The following UACA variants were observed in gnomAD, a reference collection of about 807,000 sequenced individuals.
UACA encodes nuclear membrane binding protein.
Under a neutral mutation model 160.5 loss-of-function variants are expected in UACA, and 112 were observed. That is an observed-to-expected ratio of 0.70 (90% CI 0.60 to 0.82). The LOEUF (loss-of-function observed/expected upper bound fraction) is 0.82. Ranked by LOEUF, UACA falls within the 40% of genes least tolerant of loss-of-function variation. The pLI, the probability that UACA is intolerant of heterozygous loss-of-function variation, is 0.00. For synonymous variants in UACA, 557 were observed against 568.4 expected (o/e 0.98, Z 0.29); for missense variants, 1,574 against 1,614.6 (o/e 0.97, Z 0.43).
At chr15:70,657,488 G>A (rs375891406) in intron 18 of UACA, among the ~76,000 whole-genome samples, 7 of 152,054 alleles carry the variant, frequency 4.6e-5, no homozygotes, top group Non-Finnish European at 2.9e-5. Context: ...CCAGCTACTC[G>A]GGAGGCTGAG....
chr15:70,752,518 TC>T, intron 1 of UACA, among the ~76,000 whole-genome samples: 1 of 152,226 alleles, frequency 6.6e-6, no homozygotes, highest in East Asian at 1.9e-4. Context: ...GTGTTCTTGT[TC>T]TCTCTCCCCT....
At chr15:70,720,120 T>C (rs1014535241) in intron 1 of UACA, among the ~76,000 whole-genome samples, 2 of 152,100 alleles carry the variant, frequency 1.3e-5, no homozygotes, top group Non-Finnish European at 2.9e-5. Context: ...ACCTCCCCTC[T>C]TTCTCTTCCT....
At chr15:70,703,505 C>T (rs1385298737) in intron 1 of UACA, among the ~76,000 whole-genome samples, 4 of 152,144 alleles carry the variant, frequency 2.6e-5, no homozygotes, top group Non-Finnish European at 5.9e-5. Flanking sequence ...CGAGATATCA[C>T]AATGGATTCA....
In UACA at chr15:70,657,024, A is replaced by G; in HGVS notation, c.*32T>C. 6.3e-7 allele frequency: 1 copy of G among 1,597,510 alleles called. No individual in the cohort carries two copies. Among genetic ancestry groups the G allele is most frequent in the Non-Finnish European group, 8.6e-7 (1 of 1,164,918 alleles). ...ACAAAGAATGTTCAGCACCAGCAAGATAAAACAGATACTGGCAGTCAGTGC... is the reference window on the plus strand; with the variant it reads ...ACAAAGAATGTTCAGCACCAGCAAGGTAAAACAGATACTGGCAGTCAGTGC... On this transcript the variant is annotated 3_prime_UTR_variant, in exon 19 of 19. Transcript: ENST00000322954.
At chr15:70,761,683 G>A (rs996716802) in intron 1 of UACA, among the ~76,000 whole-genome samples, 2 of 152,036 alleles carry the variant, frequency 1.3e-5, no homozygotes, top group Non-Finnish European at 2.9e-5. Flanking sequence ...TACATAAATA[G>A]GTTAATATCA....
In UACA at chr15:70,676,717, G is replaced by A. The variant is rs1897313530; in HGVS notation, c.1033-126C>T. ...GAGTTAATGAATTCTCCAACCTGGTGAACTTTAACTACTAATAGAGTTGAT... is the reference window on the plus strand; with the variant it reads ...GAGTTAATGAATTCTCCAACCTGGTAAACTTTAACTACTAATAGAGTTGAT... On this transcript the variant is annotated intron_variant, in intron 12 of 18. Transcript: ENST00000322954. 5 of 676,896 alleles carry A rather than the reference G, an allele frequency of 7.4e-6. No homozygotes were observed. In the South Asian group the frequency reaches 9.9e-5, roughly 13 times the overall value. 41.9% of individuals were successfully genotyped at this position (676,896 alleles called of 1,614,324 possible).
At chr15:70,700,318 T>TATATATATATATATATACACACAC (rs565377949) in intron 1 of UACA, among the ~76,000 whole-genome samples, 11 of 139,820 alleles carry the variant, frequency 7.9e-5, no homozygotes, top group African/African-American at 3.2e-4. Context: ...TATATATATA[T>TATATATATATATATATACACACAC]ACACACACAC....
At chr15:70,690,287 T>C (rs1897884255) in intron 5 of UACA, among the ~76,000 whole-genome samples, 167 bp downstream of exon 5, 1 of 152,164 alleles carries the variant, frequency 6.6e-6, no homozygotes, top group Non-Finnish European at 1.5e-5. Flanking sequence ...TGAATGAATC[T>C]TTTTAAGCGG....
intron 1 of UACA, among the ~76,000 whole-genome samples, chr15:70,748,027 A>G (rs1042663729): frequency 9.2e-5 from 14 of 152,128 alleles, no homozygotes; most frequent in Non-Finnish European, 1.8e-4. Context: ...TTTTTTGTTT[A>G]CGCTTTTTAT....
intron 1 of UACA, among the ~76,000 whole-genome samples, chr15:70,706,533 A>C (rs1480590245): frequency 1.3e-4 from 20 of 151,754 alleles, no homozygotes; most frequent in Admixed American, 1.2e-3. Flanking sequence ...AAAAAAAAAA[A>C]AAAACTCTAA....
intron 1 of UACA, among the ~76,000 whole-genome samples, chr15:70,746,276 A>G (rs1040413497): frequency 6.6e-6 from 1 of 152,198 alleles, no homozygotes; most frequent in African/African-American, 2.4e-5. Context: ...TGGAACTTAA[A>G]CAAATTTACA....
chr15:70,654,755 A>G lies in UACA; in HGVS notation c.*2301T>C, dbSNP rs1333849134. 1 of 152,176 alleles carries G rather than the reference A, an allele frequency of 6.6e-6. No individual in the cohort carries two copies. The highest frequency in any genetic ancestry group is 3.2e-3 in the Middle Eastern group (1 of 316). 9.4% of individuals were successfully genotyped at this position (152,176 alleles called of 1,614,324 possible). A position where few individuals can be genotyped will look rare whatever the true frequency, so the allele number is the denominator to read the frequency against. On this transcript the variant is annotated 3_prime_UTR_variant, in exon 19 of 19. Transcript: ENST00000322954. ...TCAGAGAGCACTCATTACATCTTAGACAACGTCACTCTTCTTTCCTCTTGG... is the reference window on the plus strand; with the variant it reads ...TCAGAGAGCACTCATTACATCTTAGGCAACGTCACTCTTCTTTCCTCTTGG...
At chr15:70,760,471 A>G (rs2030679392) in intron 1 of UACA, among the ~76,000 whole-genome samples, 1 of 152,188 alleles carries the variant, frequency 6.6e-6, no homozygotes, top group South Asian at 2.1e-4. Context: ...GATATAAAGT[A>G]TATACAAATG....
chr15:70,767,792 C>T (rs552318509), upstream of UACA, among the ~76,000 whole-genome samples: 19 of 152,204 alleles, frequency 1.2e-4, no homozygotes, highest in South Asian at 3.9e-3. Context: ...CATGAAGGGG[C>T]CCATGACATC....
In UACA at chr15:70,668,028, C is replaced by T; in HGVS notation, c.2656G>A (p.Val886Met). Residue 886 changes from valine to methionine, a missense_variant, in exon 16 of 19, where the codon GTG becomes ATG. Val to Met is a conservative substitution (Grantham distance 21). Transcript: ENST00000322954. ...LAKTNRELLD[V>M]KKKFEDINQE... ...TTTATATCTTCAAATTTTTTCTTCA[C>T]ATCTAATAATTCTCTGTTAGTTTTG... 1 of 1,609,330 alleles carries T rather than the reference C, an allele frequency of 6.2e-7. No homozygotes were observed. Among genetic ancestry groups the T allele is most frequent in the Non-Finnish European group, 8.5e-7 (1 of 1,178,602 alleles).
chr15:70,681,798 A>G (rs1255077151), intron 9 of UACA: 3 of 152,252 alleles, frequency 2.0e-5, no homozygotes, highest in Non-Finnish European at 4.4e-5. Flanking sequence ...AACTTTCATG[A>G]TAAGTGCAGC....
At chr15:70,752,130 C>T (rs1442217959) in intron 1 of UACA, among the ~76,000 whole-genome samples, 14 of 150,524 alleles carry the variant, frequency 9.3e-5, no homozygotes, top group African/African-American at 2.4e-4. Flanking sequence ...CCCAGCTACT[C>T]GGGAGGCTGA....
Position 70,682,779 on chromosome 15 carries a change from C to A in UACA, c.801G>T (p.Lys267Asn), listed in dbSNP as rs1244247162. The change falls in exon 9 of 19, where the codon AAG becomes AAT. Residue 267 changes from lysine (K) to asparagine (N), a missense_variant. By Grantham distance (94) the Lys-to-Asn change is moderately conservative. Coordinates refer to ENST00000322954, the MANE Select transcript of UACA (RefSeq NM_018003.4). Reference protein sequence around the residue: ...ENTNKGRELWKKGPSLQQRNL... With the variant: ...ENTNKGRELWNKGPSLQQRNL... ...CTACCTGTTGCAAAGATGGCCCTTT[C>A]TTCCAAAGTTCTCTCCCTAAGATTT... 1.0e-5 allele frequency: 16 copies of A among 1,565,544 alleles called. No homozygotes were observed. The highest frequency in any genetic ancestry group is 2.7e-5 in the African/African-American group (2 of 72,746).
chr15:70,699,763 T>G (rs900417778), intron 1 of UACA, 103 bp from the exon 2 acceptor site: 1 of 1,258,976 alleles, frequency 7.9e-7, no homozygotes, highest in African/African-American at 1.5e-5. Context: ...GCATAATACA[T>G]CACTTATTTT....
Sources: gnomAD v4.1 joint callset for allele counts (sites outside exome capture counted in the v4.1 genomes callset) on GRCh38, gnomAD v4.1.1 for gene constraint, MANE v1.5 for transcripts, NCBI Gene and HGNC (gene_info 2026-07-23, HGNC 2026-07-21) for gene names.